Variants in ADARB2 observed in about 807,000 individuals in gnomAD.
ADARB2 encodes the protein adenosine deaminase RNA specific B2 (inactive).
ADARB2 carries 25 observed loss-of-function variants against 62.2 expected under a neutral mutation model. The observed-to-expected ratio is 0.40, with a 90% confidence interval of 0.29 to 0.56. ADARB2 has a LOEUF of 0.56. Ranked by LOEUF, ADARB2 falls within the 20% of genes least tolerant of loss-of-function variation. The pLI, the probability that ADARB2 is intolerant of heterozygous loss-of-function variation, is 0.43. For missense variants in ADARB2, 1,071 were observed against 1,077.4 expected (o/e 0.99, Z 0.08); for synonymous variants, 572 against 500.8 (o/e 1.14, Z -1.90).
intron 4 of ADARB2, among the ~76,000 whole-genome samples, chr10:1,245,305 TTTTA>T (rs1830973793): frequency 6.6e-6 from 1 of 152,058 alleles, no homozygotes; most frequent in East Asian, 1.9e-4. Context: ...ATAGGAAGAT[TTTTA>T]TTTATTTACT....
At chr10:1,192,447 G>C (rs751434969) in intron 8 of ADARB2, among the ~76,000 whole-genome samples, 1 of 152,146 alleles carries the variant, frequency 6.6e-6, no homozygotes, top group Non-Finnish European at 1.5e-5. Context: ...TATGGATTTG[G>C]GGTAACTAAC....
chr10:1,269,613 G>A (rs761541484), intron 4 of ADARB2, among the ~76,000 whole-genome samples: 5 of 152,328 alleles, frequency 3.3e-5, no homozygotes, highest in African/African-American at 7.2e-5. Flanking sequence ...GTCATGGGTC[G>A]CAGAGCTCTG....
Position 1,244,692 on chromosome 10 carries a change from G to A in ADARB2, c.1193-2393C>T, listed in dbSNP as rs146084631. Among the ~76,000 whole-genome samples the A allele has an allele frequency of 2.0e-4, 31 of 152,248 alleles. No homozygotes were observed. The Middle Eastern group carries it at 0.017, about 84-fold the overall frequency. ...AGAAACGGCTGCAGCATGAGATGTC[G>A]TATGAGAAATGTCGCGGAAGTGCTG... On this transcript the variant is annotated intron_variant, in intron 4 of 9. Coordinates refer to ENST00000381312, the MANE Select transcript of ADARB2 (RefSeq NM_018702.4).
intron 3 of ADARB2, among the ~76,000 whole-genome samples, chr10:1,342,601 G>A (rs1387679161): frequency 2.0e-5 from 3 of 152,138 alleles, no homozygotes; most frequent in Non-Finnish European, 4.4e-5. Context: ...GGGTGGGGGT[G>A]GAAAGTCTCA....
At chr10:1,428,696 G>T (rs193219318) in intron 1 of ADARB2, among the ~76,000 whole-genome samples, 80 of 152,132 alleles carry the variant, frequency 5.3e-4, no homozygotes, top group Middle Eastern at 3.4e-3. Flanking sequence ...GAGGGAGGGG[G>T]GTGTGCTTAT....
At chr10:1,262,445 A>G (rs2131791938) in intron 4 of ADARB2, among the ~76,000 whole-genome samples, 1 of 152,184 alleles carries the variant, frequency 6.6e-6, no homozygotes, top group South Asian at 2.1e-4. Context: ...TACAAGAAAA[A>G]TCAAACAACC....
intron 1 of ADARB2, among the ~76,000 whole-genome samples, chr10:1,474,724 G>A (rs996370077): frequency 2.6e-5 from 4 of 152,208 alleles, no homozygotes; most frequent in African/African-American, 9.7e-5. Context: ...GAATGGATGA[G>A]CCCCAGGCAG....
chr10:1,474,754 G>A (rs897566694), intron 1 of ADARB2, among the ~76,000 whole-genome samples: 2 of 152,262 alleles, frequency 1.3e-5, no homozygotes, highest in African/African-American at 2.4e-5. Context: ...CGACTGGGTG[G>A]GGCATCCAAG....
intron 3 of ADARB2, among the ~76,000 whole-genome samples, chr10:1,357,419 C>T (rs1263120394): frequency 1.3e-5 from 2 of 152,168 alleles, no homozygotes; most frequent in Admixed American, 6.5e-5. Flanking sequence ...CGGGACCCTC[C>T]TGTCCCTGGC....
chr10:1,650,854 G>A (rs375953337), intron 1 of ADARB2, among the ~76,000 whole-genome samples: 7 of 152,196 alleles, frequency 4.6e-5, no homozygotes, highest in African/African-American at 1.7e-4. Context: ...AAATGCTGAC[G>A]TGGATGTAGC....
intron 1 of ADARB2, among the ~76,000 whole-genome samples, chr10:1,532,840 A>G (rs1832266011): frequency 6.6e-6 from 1 of 152,124 alleles, no homozygotes; most frequent in African/African-American, 2.4e-5. Context: ...CGAGGTGGAG[A>G]ATGGGCGCTT....
In ADARB2 at chr10:1,303,928, A is replaced by T. The variant is rs1343857654; in HGVS notation, c.1078-32859T>A. Reference sequence around the variant, plus strand: ...CCAGCCACTGCAAAATCATGCCAAAATGTAAAGACCATTGAGACTAGGAAG... The same window carrying T: ...CCAGCCACTGCAAAATCATGCCAAATTGTAAAGACCATTGAGACTAGGAAG... On this transcript the variant is annotated intron_variant, in intron 3 of 9. Transcript: ENST00000381312. 4.6e-5 allele frequency among the ~76,000 whole-genome samples: 7 copies of T among 151,166 alleles called. No homozygotes were observed. The South Asian group carries it at 8.5e-4, about 18-fold the overall frequency.
chr10:1,359,546 C>T (rs968723288), intron 3 of ADARB2, among the ~76,000 whole-genome samples: 7 of 152,204 alleles, frequency 4.6e-5, no homozygotes, highest in African/African-American at 1.7e-4. Flanking sequence ...GTCTATCGTA[C>T]GTCATCTTTA....
chr10:1,587,245 A>G (rs1416070809), intron 1 of ADARB2, among the ~76,000 whole-genome samples: 1 of 152,206 alleles, frequency 6.6e-6, no homozygotes, highest in Non-Finnish European at 1.5e-5. Flanking sequence ...AAGAACAATG[A>G]TTTCTGACAT....
rs1396534317 is a variant in ADARB2 at position 1,608,610 on chromosome 10, G to A, written c.100+128441C>T. Reference sequence around the variant, plus strand: ...AAGGAAAAAAGGAATGAGGAAGGAAGAAAGGAAGAAAAAAGAGAAATGAAG... The same window carrying A: ...AAGGAAAAAAGGAATGAGGAAGGAAAAAAGGAAGAAAAAAGAGAAATGAAG... On this transcript the variant is annotated intron_variant, in intron 1 of 9. Coordinates refer to ENST00000381312, the MANE Select transcript of ADARB2 (RefSeq NM_018702.4). Among the ~76,000 whole-genome samples, 12 of 146,194 alleles carry A rather than the reference G, an allele frequency of 8.2e-5. 1 individual carries two copies. Among genetic ancestry groups the A allele is most frequent in the African/African-American group, 2.8e-4 (11 of 39,378 alleles).
At chr10:1,568,343 A>G (rs1832884841) in intron 1 of ADARB2, among the ~76,000 whole-genome samples, 1 of 152,154 alleles carries the variant, frequency 6.6e-6, no homozygotes, top group African/African-American at 2.4e-5. Flanking sequence ...AGCACAGAAA[A>G]GCAGCACCGA....
At chr10:1,384,368 G>A (rs1832508667) in intron 1 of ADARB2, among the ~76,000 whole-genome samples, 2 of 152,154 alleles carry the variant, frequency 1.3e-5, no homozygotes, top group South Asian at 4.1e-4. Context: ...GTGCATTATA[G>A]CCTCCTCCAA....
intron 1 of ADARB2, among the ~76,000 whole-genome samples, chr10:1,561,608 C>T (rs530041838): frequency 2.0e-5 from 3 of 152,240 alleles, no homozygotes; most frequent in East Asian, 1.9e-4. Context: ...GGGGAGTTGC[C>T]GGAACCTGCC....
intron 4 of ADARB2, among the ~76,000 whole-genome samples, chr10:1,254,867 A>G (rs572400898): frequency 6.6e-6 from 1 of 152,370 alleles, no homozygotes; most frequent in Non-Finnish European, 1.5e-5. Context: ...CACAGATGCC[A>G]TGGTCCCCAT....
Sources: gnomAD v4.1 joint callset for allele counts (sites outside exome capture counted in the v4.1 genomes callset) on GRCh38, gnomAD v4.1.1 for gene constraint, MANE v1.5 for transcripts, NCBI Gene and HGNC (gene_info 2026-07-23, HGNC 2026-07-21) for gene names.